The following ZNF600 variants were observed in gnomAD, a reference collection of about 807,000 sequenced individuals.
ZNF600 encodes the protein zinc finger protein 600.
In ZNF600, 4 loss-of-function variants were observed where a neutral mutation model predicts 7.3. The observed-to-expected ratio is 0.55, with a 90% CI of 0.27 to 1.25. The LOEUF (loss-of-function observed/expected upper bound fraction) is 1.25, where lower values mean the gene tolerates loss of function less well. ZNF600 is among the 50% of genes most tolerant of loss of function. The pLI is 0.12. For synonymous variants in ZNF600, 290 were observed against 308.9 expected (o/e 0.94, Z 0.64); for missense variants, 911 against 922.1 (o/e 0.99, Z 0.16).
upstream of ZNF600, among the ~76,000 whole-genome samples, chr19:52,788,815 A>G (rs1176785368): frequency 2.0e-5 from 3 of 152,180 alleles, no homozygotes; most frequent in Non-Finnish European, 4.4e-5. Flanking sequence ...GCACCATTGT[A>G]GGTATTATTG....
upstream of ZNF600, among the ~76,000 whole-genome samples, chr19:52,787,006 AC>A (rs1218277466): frequency 2.6e-5 from 4 of 152,276 alleles, no homozygotes; most frequent in South Asian, 2.1e-4. Flanking sequence ...ATTATCTGGA[AC>A]GGGAATGCAA....
At chr19:52,810,554 A>T in the ZNF600 span, 6 of 1,595,392 alleles carry the variant, frequency 3.8e-6, no homozygotes, top group Admixed American at 3.3e-5. Flanking sequence ...AGGCATCAGC[A>T]CAACAGACCG....
chr19:52,767,541 T>C (rs2062596971), exon 4 of ZNF600: 1 of 1,614,042 alleles, frequency 6.2e-7, no homozygotes, highest in South Asian at 1.1e-5. Flanking sequence ...GTGATCATGT[T>C]GGTCTGTGCT....
chr19:52,827,788 A>G, the ZNF600 span, among the ~76,000 whole-genome samples: 2 of 151,344 alleles, frequency 1.3e-5, no homozygotes, highest in Non-Finnish European at 2.9e-5. Flanking sequence ...CTCATGATCC[A>G]CCCGCCTCAG....
At chr19:52,780,352 G>A (rs1191939276) in intron 1 of ZNF600, among the ~76,000 whole-genome samples, 1 of 152,240 alleles carries the variant, frequency 6.6e-6, no homozygotes. Flanking sequence ...AAGGACCTAG[G>A]AAAGAAAGGC....
the ZNF600 span, chr19:52,805,753 T>TGGGCA: frequency 6.6e-6 from 1 of 151,956 alleles, no homozygotes; most frequent in African/African-American, 2.4e-5. Flanking sequence ...GAGGATGAGC[T>TGGGCA]GGGCAGATCA....
chr19:52,791,349 A>T (rs966953430), upstream of ZNF600, among the ~76,000 whole-genome samples: 5 of 152,252 alleles, frequency 3.3e-5, no homozygotes, highest in Admixed American at 3.3e-4. Flanking sequence ...ATCTCAGAGC[A>T]GCTGAGAGGA....
intron 3 of ZNF600, among the ~76,000 whole-genome samples, chr19:52,772,684 G>A (rs185832576): frequency 1.3e-5 from 2 of 152,232 alleles, no homozygotes; most frequent in South Asian, 2.1e-4. Flanking sequence ...GCAGGCCCGC[G>A]GTGTTCATGG....
chr19:52,814,701 A>ATT, the ZNF600 span, among the ~76,000 whole-genome samples: 1 of 146,460 alleles, frequency 6.8e-6, no homozygotes, highest in Non-Finnish European at 1.5e-5. Flanking sequence ...CCTGGCTAAA[A>ATT]AGGTGAAACC....
chr19:52,785,230 C>T (rs962160079), intron 1 of ZNF600, among the ~76,000 whole-genome samples: 3 of 151,794 alleles, frequency 2.0e-5, no homozygotes, highest in African/African-American at 7.3e-5. Flanking sequence ...TCCATTCTCA[C>T]AGCTTATTTA....
upstream of ZNF600, among the ~76,000 whole-genome samples, chr19:52,788,915 G>A (rs1372738947): frequency 6.6e-6 from 1 of 152,196 alleles, no homozygotes; most frequent in African/African-American, 2.4e-5. Context: ...CTAATGTGAA[G>A]CCAAGTTTGA....
intron 2 of ZNF600, among the ~76,000 whole-genome samples, chr19:52,777,407 G>C (rs2062684969): frequency 6.6e-6 from 1 of 151,854 alleles, no homozygotes; most frequent in Admixed American, 6.6e-5. Flanking sequence ...TGGGCTGGCT[G>C]TCTCCCATCT....
intron 1 of ZNF600, among the ~76,000 whole-genome samples, chr19:52,783,448 G>T (rs2062739523): frequency 6.6e-6 from 1 of 152,190 alleles, no homozygotes; most frequent in South Asian, 2.1e-4. Context: ...TGCAAGCTCC[G>T]CCTCCCGGGT....
chr19:52,773,134 A>C (rs1363729841), intron 3 of ZNF600, among the ~76,000 whole-genome samples: 2 of 152,212 alleles, frequency 1.3e-5, no homozygotes, highest in African/African-American at 4.8e-5. Flanking sequence ...AGGCAAGGCC[A>C]GGAAAGGAAG....
chr19:52,778,916 G>GA lies in ZNF600; in HGVS notation c.-19-10dup, dbSNP rs1041311046. The GA allele has an allele frequency of 5.9e-5, 93 of 1,574,668 alleles. No individual in the cohort carries two copies. In the African/African-American group the frequency reaches 5.9e-4, roughly 10 times the overall value. On this transcript the variant is annotated splice_polypyrimidine_tract_variant and intron_variant, in intron 1 of 3. Transcript: ENST00000648973. ...GTCTTTAGGAATCAATCCTGTATGT[G>GA]AAAAAAAATGAGACTTCTTGTTAGA... is the stretch of plus-strand genomic sequence containing the variant.
the ZNF600 span, among the ~76,000 whole-genome samples, chr19:52,809,077 A>G: frequency 2.0e-5 from 3 of 152,222 alleles, no homozygotes; most frequent in Admixed American, 6.5e-5. Context: ...AAATATAAAA[A>G]GTAGCAAGTT....
intron 1 of ZNF600, among the ~76,000 whole-genome samples, chr19:52,783,727 C>T (rs1451695444): frequency 1.3e-5 from 2 of 152,150 alleles, no homozygotes; most frequent in East Asian, 1.9e-4. Flanking sequence ...TTCTGCATTT[C>T]CCCCTGGACT....
At chr19:52,785,681 CT>C (rs774895275) in intron 1 of ZNF600, among the ~76,000 whole-genome samples, 43 of 152,108 alleles carry the variant, frequency 2.8e-4, no homozygotes, top group Non-Finnish European at 1.0e-4. Flanking sequence ...TGTTATACCC[CT>C]CTGTCCCCAC....
the ZNF600 span, chr19:52,808,133 C>T: frequency 6.2e-7 from 1 of 1,612,836 alleles, no homozygotes; most frequent in Non-Finnish European, 8.5e-7. Context: ...GTCAATAGAC[C>T]CTGAAATGGA....
Sources: allele counts gnomAD v4.1 joint callset (sites outside exome capture counted in the v4.1 genomes callset), GRCh38; gene constraint gnomAD v4.1.1; transcripts MANE v1.5; gene names NCBI Gene and HGNC (gene_info 2026-07-23, HGNC 2026-07-21).